Variants in LGR6 observed in about 807,000 individuals in gnomAD.
LGR6 encodes leucine rich repeat containing G protein-coupled receptor 6.
Under a neutral mutation model 69.4 loss-of-function variants are expected in LGR6, and 45 were observed. That is an observed-to-expected ratio of 0.65 (90% CI 0.51 to 0.83). The LOEUF (loss-of-function observed/expected upper bound fraction) is 0.83, where lower values mean the gene tolerates loss of function less well. Among genes scored for constraint, LGR6 ranks in the 40% least tolerant of loss-of-function variants. LGR6 has a pLI of 0.00. For synonymous variants in LGR6, 538 were observed against 555.0 expected (o/e 0.97, Z 0.43); for missense variants, 1,108 against 1,246.7 (o/e 0.89, Z 1.68).
At chr1:202,206,620 G>A (rs527514269) in intron 1 of LGR6, among the ~76,000 whole-genome samples, 3 of 152,008 alleles carry the variant, frequency 2.0e-5, no homozygotes, top group South Asian at 2.1e-4. Context: ...TACGATCTCC[G>A]CTCACTGCAG....
intron 1 of LGR6, among the ~76,000 whole-genome samples, chr1:202,204,395 C>G (rs542291850): frequency 7.5e-6 from 1 of 132,846 alleles, no homozygotes; most frequent in Non-Finnish European, 1.6e-5. Flanking sequence ...CCTCCACACA[C>G]ACACCTCCAA....
At chr1:202,205,204 C>A (rs1369101785) in intron 1 of LGR6, among the ~76,000 whole-genome samples, 6 of 11,950 alleles carry the variant, frequency 5.0e-4, no homozygotes, top group African/African-American at 1.4e-3. Context: ...AACACATGTC[C>A]TTCAAACACA....
At chr1:202,289,665 C>G (rs1458993278) in intron 6 of LGR6, among the ~76,000 whole-genome samples, 1 of 152,150 alleles carries the variant, frequency 6.6e-6, no homozygotes, top group Non-Finnish European at 1.5e-5. Flanking sequence ...TAAAACAATA[C>G]TATTAGTTTT....
At chr1:202,298,127 A>G (rs1667296349) in intron 7 of LGR6, among the ~76,000 whole-genome samples, 1 of 152,246 alleles carries the variant, frequency 6.6e-6, no homozygotes, top group South Asian at 2.1e-4. Context: ...CTTCAGCCTC[A>G]TTGAAGACAC....
chr1:202,277,252 C>T (rs939351067), intron 5 of LGR6, among the ~76,000 whole-genome samples: 11 of 152,162 alleles, frequency 7.2e-5, no homozygotes, highest in Admixed American at 5.9e-4. Context: ...ATTGCCCCCA[C>T]GCCCCCCGCT....
chr1:202,275,258 A>C (rs147712885), intron 4 of LGR6, among the ~76,000 whole-genome samples: 1 of 152,168 alleles, frequency 6.6e-6, no homozygotes, highest in Non-Finnish European at 1.5e-5. Flanking sequence ...CAAGATAGGA[A>C]AGTCCAGCAA....
chr1:202,264,119 C>T (rs776464851), intron 4 of LGR6, among the ~76,000 whole-genome samples: 13 of 152,040 alleles, frequency 8.6e-5, no homozygotes, highest in Non-Finnish European at 1.9e-4. Flanking sequence ...CAGGTATAAC[C>T]TCTCCAGTTC....
At chr1:202,270,611 G>C (rs1036043838) in intron 4 of LGR6, among the ~76,000 whole-genome samples, 2 of 152,182 alleles carry the variant, frequency 1.3e-5, no homozygotes, top group African/African-American at 4.8e-5. Context: ...TGGGCTTCAG[G>C]CTCCTCATAT....
At position 202,319,257 on chromosome 1, in the gene LGR6, C is replaced by T; in HGVS notation, c.*50C>T. On this transcript the variant is annotated 3_prime_UTR_variant, in exon 18 of 18. Coordinates refer to ENST00000367278, the MANE Select transcript of LGR6 (RefSeq NM_001017403.2). ...CCCTCTCTTCCCTTTCCTCTCTCCC[C>T]CTCGGTGAATGATGGCTGCTTCTAA... The T allele has an allele frequency of 6.7e-7, 1 of 1,494,664 alleles. No individual in the cohort carries two copies. The highest frequency in any genetic ancestry group is 8.9e-7 in the Non-Finnish European group (1 of 1,120,716). 92.6% of individuals were successfully genotyped at this position (1,494,664 alleles called of 1,614,324 possible).
At chr1:202,293,698 A>G (rs1056571641) in intron 6 of LGR6, among the ~76,000 whole-genome samples, 8 of 152,216 alleles carry the variant, frequency 5.3e-5, no homozygotes, top group African/African-American at 1.9e-4. Context: ...GGACTTTGGC[A>G]ATTTCCCAGG....
intron 4 of LGR6, among the ~76,000 whole-genome samples, chr1:202,238,411 C>T (rs914626984): frequency 3.7e-5 from 4 of 106,858 alleles, no homozygotes; most frequent in Non-Finnish European, 7.4e-5. Context: ...CCAGCCTGAT[C>T]CTTTTTTTTT....
chr1:202,305,587 G>A (rs1653095532), intron 11 of LGR6, 97 bp from the exon 12 acceptor site: 3 of 1,022,968 alleles, frequency 2.9e-6, no homozygotes, highest in African/African-American at 3.2e-5. Flanking sequence ...TCAGCTAATT[G>A]ACAGGAAAGC....
chr1:202,304,290 G>A (rs1343929353), intron 10 of LGR6, among the ~76,000 whole-genome samples: 2 of 152,148 alleles, frequency 1.3e-5, no homozygotes, highest in South Asian at 2.1e-4. Context: ...ATGGGATGGG[G>A]ATGGCTGGAG....
Position 202,198,230 on chromosome 1 carries a change from G to A in LGR6, c.212+4029G>A, listed in dbSNP as rs147327371. ...ATGGAGGCAGGATGCTGGAGGCAGA[G>A]AGTAAGAGGTTGTGGCATTTGCCAC... is the stretch of plus-strand genomic sequence containing the variant. On this transcript the variant is annotated intron_variant, in intron 1 of 17. Coordinates refer to ENST00000367278, the MANE Select transcript of LGR6 (RefSeq NM_001017403.2). Among the ~76,000 whole-genome samples, 184 of 152,312 alleles carry A rather than the reference G, an allele frequency of 1.2e-3. 1 individual carries two copies. The South Asian group carries it at 0.017, about 14-fold the overall frequency.
chr1:202,284,997 A>G lies in LGR6; in HGVS notation c.716+4145A>G, dbSNP rs968235422. Among the ~76,000 whole-genome samples the G allele has an allele frequency of 7.9e-5, 12 of 152,330 alleles. No individual in the cohort carries two copies. In the South Asian group the frequency reaches 2.5e-3, roughly 32 times the overall value. On this transcript the variant is annotated intron_variant, in intron 6 of 17. Coordinates refer to ENST00000367278, the MANE Select transcript of LGR6 (RefSeq NM_001017403.2). ...AGCCTGGGGCCATAGTGAGAACAGA[A>G]ATCTTCTGGCCCCAGCTCTCTCTCT...
chr1:202,271,942 T>A (rs946080776), intron 4 of LGR6, among the ~76,000 whole-genome samples: 4 of 152,060 alleles, frequency 2.6e-5, no homozygotes, highest in East Asian at 1.9e-4. Flanking sequence ...GGGGTGTTTG[T>A]CCTCACTGTC....
chr1:202,268,356 C>T lies in LGR6; in HGVS notation c.429-7950C>T, dbSNP rs1196873852. On this transcript the variant is annotated intron_variant, in intron 4 of 17. Coordinates refer to ENST00000367278, the MANE Select transcript of LGR6 (RefSeq NM_001017403.2). The surrounding 1 kb of genome is among the most constrained non-coding windows in gnomAD (Gnocchi z 4.4). ...TGCTCCCTGCTGGAATCCTTGCCTT[C>T]CCAGGCAGGCTCTCGGTCAGGGCCG... Among the ~76,000 whole-genome samples the T allele has an allele frequency of 6.6e-6, 1 of 152,250 alleles. No individual in the cohort carries two copies. Among genetic ancestry groups the T allele is most frequent in the East Asian group, 1.9e-4 (1 of 5,202 alleles).
In LGR6 at chr1:202,276,309, C is replaced by G. The variant is rs771200707; in HGVS notation, c.432C>G (p.Arg144=). 16 of 1,613,272 alleles carry G rather than the reference C, an allele frequency of 9.9e-6. No homozygotes were observed. Among genetic ancestry groups the G allele is most frequent in the Admixed American group, 1.7e-5 (1 of 59,998 alleles). The change falls in exon 5 of 18, where the codon CGC becomes CGG. Residue 144 remains arginine, a synonymous_variant. Coordinates refer to ENST00000367278, the MANE Select transcript of LGR6 (RefSeq NM_001017403.2). The stretch of plus-strand genomic sequence containing the variant: ...TCTCCATCCTCTCTTCCACCAGGCG[C>G]CTAGATGCCAACCTCATCTCCCTGG... ...LWELPSLQSL[R]LDANLISLVP... is the part of the protein sequence containing the mutation.
At chr1:202,194,607 G>A (rs545336674) in intron 1 of LGR6, 1 of 544,434 alleles carries the variant, frequency 1.8e-6, no homozygotes, top group African/African-American at 1.9e-5. Context: ...GTGGAGGTGA[G>A]GGGAGCGTGC....
Sources: gnomAD v4.1 joint callset for allele counts (sites outside exome capture counted in the v4.1 genomes callset) on GRCh38, gnomAD v4.1.1 for gene constraint, Gnocchi (gnomAD v3.1) non-coding constraint, MANE v1.5 for transcripts, NCBI Gene and HGNC (gene_info 2026-07-23, HGNC 2026-07-21) for gene names.